Variants in ZYG11B observed in about 807,000 individuals in gnomAD.
The protein encoded by ZYG11B is protein zyg-11 homolog B.
In ZYG11B, 36 loss-of-function variants were observed where a neutral mutation model predicts 82.4. The observed-to-expected ratio is 0.44, with a 90% CI of 0.33 to 0.58. The LOEUF (loss-of-function observed/expected upper bound fraction) is 0.58. Among genes scored for constraint, ZYG11B ranks in the 20% least tolerant of loss-of-function variants. ZYG11B has a pLI of 0.02. For missense variants in ZYG11B, 552 were observed against 895.6 expected, an observed-to-expected ratio of 0.62 and a Z score of 4.90; for synonymous variants, 303 against 312.8, an observed-to-expected ratio of 0.97 and a Z score of 0.33.
At chr1:52,762,983 G>GGA (rs1553259218) in intron 2 of ZYG11B, among the ~76,000 whole-genome samples, 1 of 141,274 alleles carries the variant, frequency 7.1e-6, no homozygotes, top group East Asian at 2.3e-4. Flanking sequence ...GATTGGGGGG[G>GGA]GGGGGTCTAG....
At chr1:52,751,126 C>T (rs1165106545) in intron 1 of ZYG11B, among the ~76,000 whole-genome samples, 1 of 152,016 alleles carries the variant, frequency 6.6e-6, no homozygotes, top group African/African-American at 2.4e-5. Flanking sequence ...ACTACAGATA[C>T]CTGCTACCAC....
intron 1 of ZYG11B, among the ~76,000 whole-genome samples, chr1:52,753,405 G>GGTTGTT (rs1160907176): frequency 1.4e-4 from 20 of 147,906 alleles, no homozygotes; most frequent in Non-Finnish European, 2.4e-4. Flanking sequence ...TTCTTCTTCT[G>GGTTGTT]GTTGTTGTTG....
At chr1:52,786,481 G>A (rs1571778282) in intron 5 of ZYG11B, among the ~76,000 whole-genome samples, 1 of 152,234 alleles carries the variant, frequency 6.6e-6, no homozygotes, top group East Asian at 1.9e-4. Context: ...AGGCACGGTG[G>A]CTCACGCCTG....
intron 8 of ZYG11B, among the ~76,000 whole-genome samples, chr1:52,797,832 T>C (rs1357284946): frequency 6.7e-6 from 1 of 149,826 alleles, no homozygotes. Flanking sequence ...TTAATAAAAA[T>C]TTTTTGTGGC....
chr1:52,790,085 A>G lies in ZYG11B; in HGVS notation c.1334+18A>G. On this transcript the variant is annotated intron_variant, in intron 6 of 13. Coordinates refer to ENST00000294353, the MANE Select transcript of ZYG11B (RefSeq NM_024646.3). Reference sequence around the variant, plus strand: ...TTTAACAGGCAAGTGATAGCTCTAGAACTTAAAGTGGGGCAAAACAGAATG... The same window carrying G: ...TTTAACAGGCAAGTGATAGCTCTAGGACTTAAAGTGGGGCAAAACAGAATG... 6.4e-7 allele frequency: 1 copy of G among 1,559,936 alleles called. No individual in the cohort carries two copies. Among genetic ancestry groups the G allele is most frequent in the Non-Finnish European group, 8.7e-7 (1 of 1,146,626 alleles).
intron 5 of ZYG11B, among the ~76,000 whole-genome samples, 198 bp from the exon 6 acceptor site, chr1:52,789,805 T>C (rs950291522): frequency 1.3e-5 from 2 of 151,080 alleles, no homozygotes; most frequent in African/African-American, 4.9e-5. Context: ...TAATGGAAAA[T>C]AAAAAAAAGG....
At chr1:52,814,905 C>T (rs1645211152) in intron 12 of ZYG11B, among the ~76,000 whole-genome samples, 2 of 152,158 alleles carry the variant, frequency 1.3e-5, no homozygotes, top group African/African-American at 4.8e-5. Flanking sequence ...TGCCTATAAT[C>T]CCAGCACTTT....
intron 10 of ZYG11B, among the ~76,000 whole-genome samples, chr1:52,802,736 T>C (rs1645087636): frequency 6.6e-6 from 1 of 152,074 alleles, no homozygotes; most frequent in African/African-American, 2.4e-5. Context: ...GCTGCTGTGA[T>C]ACTTGTAAAC....
intron 3 of ZYG11B, among the ~76,000 whole-genome samples, chr1:52,774,307 A>AT (rs372279550): frequency 0.56 from 71,933 of 127,572 alleles, 22,080 homozygotes; most frequent in East Asian, 0.95. Context: ...TAACTGGCTA[A>AT]TTTTTTTTTT....
At chr1:52,785,534 G>A (rs945603390) in intron 5 of ZYG11B, among the ~76,000 whole-genome samples, 2 of 152,092 alleles carry the variant, frequency 1.3e-5, no homozygotes, top group Non-Finnish European at 2.9e-5. Context: ...TCAACTCACT[G>A]CAACCTCCAC....
intron 13 of ZYG11B, among the ~76,000 whole-genome samples, chr1:52,817,815 ATTTTTTTTTTTTTTTTTTTTTTT>A (rs1176871667): frequency 3.6e-4 from 10 of 27,672 alleles, no homozygotes; most frequent in East Asian, 1.0e-3. Flanking sequence ...ATATATATAT[ATTTTTTTTTTTTTTTTTTTTTTT>A]TTTTTTTTTT....
intron 2 of ZYG11B, among the ~76,000 whole-genome samples, chr1:52,760,599 T>G (rs763612439): frequency 1.3e-4 from 20 of 152,096 alleles, no homozygotes; most frequent in Non-Finnish European, 2.5e-4. Context: ...GCAGTCTTTT[T>G]TGTGTGTTAA....
At chr1:52,764,113 CTTTATTTTAT>C (rs71044417) in intron 2 of ZYG11B, among the ~76,000 whole-genome samples, 3,696 of 150,572 alleles carry the variant, frequency 0.025, 154 homozygotes, top group African/African-American at 0.085. Flanking sequence ...CATGTTGATT[CTTTATTTTAT>C]TTTATTTTAT....
At position 52,771,001 on chromosome 1, in the gene ZYG11B, G is replaced by A. The variant is rs777664508; in HGVS notation, c.197-19G>A. On this transcript the variant is annotated intron_variant, in intron 2 of 13. Coordinates refer to ENST00000294353, the MANE Select transcript of ZYG11B (RefSeq NM_024646.3). This position sits in a 1 kb window ranked among gnomAD's most constrained non-coding sequence, Gnocchi z 5.4. Reference sequence around the variant, plus strand: ...TTTAACTGTTTTTTGAATTTAAAACGCTGCTTGTTTTTCCACAGGTCTATT... The same window carrying A: ...TTTAACTGTTTTTTGAATTTAAAACACTGCTTGTTTTTCCACAGGTCTATT... 3.2e-6 allele frequency: 5 copies of A among 1,579,904 alleles called. No homozygotes were observed. Among genetic ancestry groups the A allele is most frequent in the Non-Finnish European group, 8.6e-7 (1 of 1,162,258 alleles).
At chr1:52,757,989 C>T (rs1644593957) in intron 2 of ZYG11B, among the ~76,000 whole-genome samples, 1 of 151,872 alleles carries the variant, frequency 6.6e-6, no homozygotes, top group South Asian at 2.1e-4. Flanking sequence ...ATCACGAGGT[C>T]AGGAGTTCGA....
chr1:52,738,553 A>G (rs1438423673), intron 1 of ZYG11B, among the ~76,000 whole-genome samples: 1 of 149,996 alleles, frequency 6.7e-6, no homozygotes, highest in Admixed American at 6.6e-5. Context: ...TGTTTTTCTT[A>G]GCTTTCCAGT....
chr1:52,750,161 A>T (rs1644508875), intron 1 of ZYG11B, among the ~76,000 whole-genome samples: 1 of 151,582 alleles, frequency 6.6e-6, no homozygotes, highest in Admixed American at 6.6e-5. Flanking sequence ...GCAGTGGCAC[A>T]ATGTTGGCTC....
In ZYG11B at chr1:52,821,334, T is replaced by TA. The variant is rs889295494; in HGVS notation, c.2045-96dup. On this transcript the variant is annotated intron_variant, in intron 13 of 13. Coordinates refer to ENST00000294353, the MANE Select transcript of ZYG11B (RefSeq NM_024646.3). ...TGTTAGTGATCAATAACAAAACAGC[T>TA]AAAAAAAAATGGCTCCTAGAAGTCA... is the stretch of plus-strand genomic sequence containing the variant. 917 of 1,138,890 alleles carry TA rather than the reference T, an allele frequency of 8.1e-4. 1 individual carries two copies. The highest frequency in any genetic ancestry group is 1.7e-3 in the African/African-American group (106 of 63,496). 70.5% of individuals were successfully genotyped at this position (1,138,890 alleles called of 1,614,324 possible).
At chr1:52,814,166 G>A (rs531316082) in intron 12 of ZYG11B, among the ~76,000 whole-genome samples, 72 of 152,098 alleles carry the variant, frequency 4.7e-4, no homozygotes, top group African/African-American at 1.6e-3. Flanking sequence ...GATTATAGGC[G>A]CCCACGACCA....
Sources: gnomAD v4.1 joint callset for allele counts (sites outside exome capture counted in the v4.1 genomes callset) on GRCh38, gnomAD v4.1.1 for gene constraint, Gnocchi (gnomAD v3.1) non-coding constraint, MANE v1.5 for transcripts, NCBI Gene and HGNC (gene_info 2026-07-23, HGNC 2026-07-21) for gene names.